Variants in GPS1 observed in about 807,000 individuals in gnomAD.
The protein encoded by GPS1 is G protein pathway suppressor 1.
In GPS1, 11 loss-of-function variants were observed where a neutral mutation model predicts 60.0. The ratio of observed to expected loss-of-function variants is 0.18; its 90% CI spans 0.12 to 0.30. The LOEUF (loss-of-function observed/expected upper bound fraction) is 0.30. Among genes scored for constraint, GPS1 ranks in the 10% least tolerant of loss-of-function variants. GPS1 has a pLI of 1.00. For synonymous variants in GPS1, 343 were observed against 269.8 expected (o/e 1.27, Z -2.66); for missense variants, 543 against 669.2 (o/e 0.81, Z 2.08).
intron 3 of GPS1, 77 bp downstream of exon 3, chr17:82,054,126 G>A (rs2031887575): frequency 1.4e-6 from 2 of 1,455,524 alleles, no homozygotes; most frequent in African/African-American, 2.8e-5. Context: ...CCCCCTTCCT[G>A]TGCCCTGCAT....
At chr17:82,051,533 C>T (rs1234816257), upstream of GPS1, 1 of 1,399,526 alleles carries the variant, frequency 7.1e-7, no homozygotes, top group Non-Finnish European at 9.3e-7. The surrounding 1 kb of genome is among the most constrained non-coding windows in gnomAD (Gnocchi z 4.1). Flanking sequence ...AGGTGCGCAG[C>T]AGCAGCCGCA....
Position 82,056,825 on chromosome 17 carries a change from C to T in GPS1, c.1255-15C>T, listed in dbSNP as rs768566119. 2 of 1,611,570 alleles carry T rather than the reference C, an allele frequency of 1.2e-6. No individual in the cohort carries two copies. Among genetic ancestry groups the T allele is most frequent in the East Asian group, 2.2e-5 (1 of 44,854 alleles). ...GGGGGTGAGCCTGGGCCCCGCTGAG[C>T]TTGTGCCTGCACAGATCCTATACGC... is the stretch of plus-strand genomic sequence containing the variant. On this transcript the variant is annotated splice_polypyrimidine_tract_variant and intron_variant, in intron 11 of 12. Coordinates refer to ENST00000578552, the MANE Select transcript of GPS1 (RefSeq NM_001321092.3).
Position 82,056,570 on chromosome 17 carries a change from T to TGGCACACGGCA in GPS1, c.1116+24_1116+34dup. ...ATCCAGGTAAGCGTGGGGGTCAGGC[T>TGGCACACGGCA]GGCACACGGCAGGCGGGCATGCAGG... On this transcript the variant is annotated intron_variant, in intron 10 of 12. Transcript: ENST00000578552. 3 of 1,612,760 alleles carry TGGCACACGGCA rather than the reference T, an allele frequency of 1.9e-6. No homozygotes were observed. The highest frequency in any genetic ancestry group is 2.5e-6 in the Non-Finnish European group (3 of 1,179,986).
rs868556326 is a variant in GPS1 at position 82,055,819 on chromosome 17, C to A, written c.828C>A (p.Phe276Leu). The A allele has an allele frequency of 6.4e-7, 1 of 1,562,398 alleles. No homozygotes were observed. The highest frequency in any genetic ancestry group is 2.4e-5 in the East Asian group (1 of 42,376). Residue 276 changes from phenylalanine (F) to leucine (L), a missense_variant, in exon 7 of 13, where the codon TTC (phenylalanine) becomes TTA (leucine). Transcript: ENST00000578552. ...LLLASFDHCD[F>L]PELLSPSNVA... ...TGGCTTCCTTTGATCACTGTGACTT[C>A]CCTGAGGTGAGGAGCCCTCTGGGGA...
chr17:82,055,121 A>G lies in GPS1; in HGVS notation c.688-41A>G, dbSNP rs35085155. ...GGGGCTGGGCATCGAGCTCTAGGAA[A>G]TGTGGAGCATGGGCCTCACGCATGT... On this transcript the variant is annotated intron_variant, in intron 5 of 12. Transcript: ENST00000578552. The G allele has an allele frequency of 0.084, 131,915 of 1,563,252 alleles. 5,832 individuals are homozygous for G. The highest frequency in any genetic ancestry group is 0.13 in the African/African-American group (9,207 of 73,498).
At chr17:82,050,941 C>T (rs1330634002), upstream of GPS1, 8 of 1,420,684 alleles carry the variant, frequency 5.6e-6, no homozygotes, top group Admixed American at 5.7e-5. Flanking sequence ...CTGGTGCCAC[C>T]GAGGCTGAAG....
rs1160028046 is a variant in GPS1, at chr17:82,056,657, T to C, written c.1145T>C (p.Met382Thr). ...QYFSPYVSAD[M>T]HRMAAAFNTT... ...TTCAGCCCCTACGTGTCAGCCGACA[T>C]GCATAGGATGGCGGCAGCCTTCAAT... Residue 382 changes from methionine to threonine, a missense_variant, in exon 11 of 13, where the codon ATG becomes ACG. Physicochemically the swap from Met to Thr is moderately conservative, Grantham distance 81. Around this residue, in one of 3 missense-constraint regions of GPS1, gnomAD observed 291 missense variants for 353.7 expected, o/e 0.82. Coordinates refer to ENST00000578552, the MANE Select transcript of GPS1 (RefSeq NM_001321092.3). 1 of 1,606,388 alleles carries C rather than the reference T, an allele frequency of 6.2e-7. No homozygotes were observed. The highest frequency in any genetic ancestry group is 1.7e-5 in the Admixed American group (1 of 59,672).
intron 2 of GPS1, 180 bp downstream of exon 2, chr17:82,053,546 A>G (rs2031637234): frequency 3.7e-6 from 2 of 533,500 alleles, no homozygotes; most frequent in Non-Finnish European, 6.4e-6. Flanking sequence ...CTTGTAGCTC[A>G]GCTTCAGATG....
intron 2 of GPS1, 142 bp downstream of exon 2, chr17:82,053,508 GCGTT>G: frequency 1.6e-6 from 1 of 610,402 alleles, no homozygotes; most frequent in Non-Finnish European, 2.6e-6. Context: ...GAAACCATCA[GCGTT>G]TCTGATTGCG....
chr17:82,052,215 G>T lies in GPS1; in HGVS notation c.33+251G>T, dbSNP rs1409509133. The T allele has an allele frequency of 3.9e-6, 6 of 1,558,110 alleles. No homozygotes were observed. The African/African-American group carries it at 8.2e-5, about 21-fold the overall frequency. Reference sequence around the variant, plus strand: ...CCCCTCCCAGCAGCTCACGGGAGAGGTTCCCGGCCGCCCCGACGCTAACGC... The same window carrying T: ...CCCCTCCCAGCAGCTCACGGGAGAGTTTCCCGGCCGCCCCGACGCTAACGC... On this transcript the variant is annotated intron_variant, in intron 1 of 12. Transcript: ENST00000578552.
intron 6 of GPS1, 115 bp from the exon 7 acceptor site, chr17:82,055,625 G>A: frequency 1.4e-6 from 1 of 702,944 alleles, no homozygotes; most frequent in South Asian, 1.7e-5. Flanking sequence ...GGCAGGAGAG[G>A]CCAGCGAGCC....
chr17:82,051,541 GC>G, upstream of GPS1: 1 of 1,400,054 alleles, frequency 7.1e-7, no homozygotes. This position sits in a 1 kb window ranked among gnomAD's most constrained non-coding sequence, Gnocchi z 4.1. Flanking sequence ...AGCAGCAGCC[GC>G]AGGCGCGGCC....
At chr17:82,055,666 G>A in intron 6 of GPS1, 74 bp from the exon 7 acceptor site, 1 of 1,048,590 alleles carries the variant, frequency 9.5e-7, no homozygotes, top group Non-Finnish European at 1.4e-6. Flanking sequence ...CTGGTTTCCA[G>A]GCGTTAGCGG....
chr17:82,051,678 G>A, upstream of GPS1: 1 of 1,000,226 alleles, frequency 1.0e-6, no homozygotes, highest in East Asian at 1.1e-4. The surrounding 1 kb of genome is among the most constrained non-coding windows in gnomAD (Gnocchi z 4.1). Flanking sequence ...GGGCGCGCGG[G>A]GCAGCGGCAG....
upstream of GPS1, chr17:82,051,342 T>C: frequency 6.8e-7 from 1 of 1,465,730 alleles, no homozygotes; most frequent in Non-Finnish European, 8.9e-7. The surrounding 1 kb of genome is among the most constrained non-coding windows in gnomAD (Gnocchi z 4.1). Flanking sequence ...AAGATAAACG[T>C]CTGGGGGAGA....
rs1017250004 is a variant in GPS1 at position 82,057,354 on chromosome 17, G to T, written c.*227G>T. The T allele has an allele frequency of 1.4e-6, 1 of 708,798 alleles. No individual in the cohort carries two copies. The highest frequency in any genetic ancestry group is 2.0e-5 in the Admixed American group (1 of 49,652). 43.9% of individuals were successfully genotyped at this position (708,798 alleles called of 1,614,324 possible). ...TCGACCCTGTGGGTTTCTGTCCCCAGGGAGCAGACTGTGCGGCACCCAGGC... is the reference window on the plus strand; with the variant it reads ...TCGACCCTGTGGGTTTCTGTCCCCATGGAGCAGACTGTGCGGCACCCAGGC... On this transcript the variant is annotated 3_prime_UTR_variant, in exon 13 of 13. Transcript: ENST00000578552.
Position 82,055,985 on chromosome 17 carries a change from G to A in GPS1, c.835-16G>A, listed in dbSNP as rs754684271. On this transcript the variant is annotated splice_polypyrimidine_tract_variant and intron_variant, in intron 7 of 12. Transcript: ENST00000578552. ...TGGCCCTTCACTGCCTGTGACGCCA[G>A]GTCTCTGCTCCTCAGCTGCTGTCCC... 4.0e-5 allele frequency: 63 copies of A among 1,592,360 alleles called. No individual in the cohort carries two copies. The highest frequency in any genetic ancestry group is 5.1e-5 in the Non-Finnish European group (59 of 1,161,784).
At chr17:82,051,410 G>T (rs1667074332), upstream of GPS1, 4 of 1,394,168 alleles carry the variant, frequency 2.9e-6, no homozygotes, top group African/African-American at 4.6e-5. This position sits in a 1 kb window ranked among gnomAD's most constrained non-coding sequence, Gnocchi z 4.1. Context: ...CGCCCCGCGC[G>T]GAGCCTCCGG....
chr17:82,056,668 G>T lies in GPS1; in HGVS notation c.1156G>T (p.Ala386Ser), dbSNP rs764297254. 5 of 1,603,934 alleles carry T rather than the reference G, an allele frequency of 3.1e-6. No homozygotes were observed. In the East Asian group the frequency reaches 8.9e-5, roughly 29 times the overall value. Residue 386 changes from alanine to serine, a missense_variant, in exon 11 of 13, where the codon GCG becomes TCG. Coordinates refer to ENST00000578552, the MANE Select transcript of GPS1 (RefSeq NM_001321092.3). Reference protein sequence around the residue: ...PYVSADMHRMAAAFNTTVAAL... With the variant: ...PYVSADMHRMSAAFNTTVAAL... ...CGTGTCAGCCGACATGCATAGGATG[G>T]CGGCAGCCTTCAATACCACGGTGGC...
Sources: gnomAD v4.1 joint callset for allele counts on GRCh38, gnomAD v4.1.1 for gene constraint, gnomAD v4.1.1 regional missense constraint, Gnocchi (gnomAD v3.1) non-coding constraint, MANE v1.5 for transcripts, NCBI Gene and HGNC (gene_info 2026-07-23, HGNC 2026-07-21) for gene names.